The following VEPH1 variants were observed in gnomAD, a reference collection of about 807,000 sequenced individuals.
VEPH1 encodes ventricular zone-expressed PH domain-containing protein homolog 1.
Under a neutral mutation model 85.2 loss-of-function variants are expected in VEPH1, and 80 were observed. That is an observed-to-expected ratio of 0.94 (90% CI 0.78 to 1.13). The LOEUF (loss-of-function observed/expected upper bound fraction) is 1.13, where lower values mean the gene tolerates loss of function less well. Ranked by LOEUF, VEPH1 falls within the 50% of genes most tolerant of loss-of-function variation. VEPH1 has a pLI of 0.00. For synonymous variants in VEPH1, 297 were observed against 348.0 expected (o/e 0.85, Z 1.63); for missense variants, 955 against 980.5 (o/e 0.97, Z 0.35).
rs143231971 is a variant in VEPH1, at chr3:157,469,800, A to G, written c.354+514T>C. ...CATTAGCGGCTGAGCCAAAACTCCAAATTCACATTTATACCAGAGGAAATA... is the reference window on the plus strand; with the variant it reads ...CATTAGCGGCTGAGCCAAAACTCCAGATTCACATTTATACCAGAGGAAATA... On this transcript the variant is annotated intron_variant, in intron 3 of 13. Transcript: ENST00000362010. Among the ~76,000 whole-genome samples the G allele has an allele frequency of 2.6e-4, 40 of 152,314 alleles. No individual in the cohort carries two copies. The East Asian group carries it at 6.7e-3, about 26-fold the overall frequency.
chr3:157,369,920 G>T (rs1256522457), intron 7 of VEPH1, among the ~76,000 whole-genome samples: 10 of 152,144 alleles, frequency 6.6e-5, no homozygotes, highest in Non-Finnish European at 1.5e-4. Context: ...TCATAGAGTG[G>T]TGGGGGCAGG....
At chr3:157,285,820 T>C (rs1331311559) in intron 12 of VEPH1, among the ~76,000 whole-genome samples, 1 of 152,200 alleles carries the variant, frequency 6.6e-6, no homozygotes, top group Non-Finnish European at 1.5e-5. Flanking sequence ...TCAGGCTGCG[T>C]TCAAATTCTG....
At chr3:157,481,709 A>G (rs1166682635) in intron 2 of VEPH1, among the ~76,000 whole-genome samples, 1 of 152,088 alleles carries the variant, frequency 6.6e-6, no homozygotes, top group Non-Finnish European at 1.5e-5. Flanking sequence ...TGTTTCCTAG[A>G]TTATCTTTGA....
intron 12 of VEPH1, among the ~76,000 whole-genome samples, chr3:157,274,402 C>A (rs749462822): frequency 2.0e-5 from 3 of 152,132 alleles, no homozygotes; most frequent in African/African-American, 7.2e-5. Context: ...GAGAGGGACT[C>A]CTGCAGTCTT....
chr3:157,442,515 G>A, intron 4 of VEPH1: 1 of 1,614,106 alleles, frequency 6.2e-7, no homozygotes, highest in Non-Finnish European at 8.5e-7. Context: ...GTTTTCCTAT[G>A]GCACAAAGAG....
intron 2 of VEPH1, among the ~76,000 whole-genome samples, chr3:157,491,209 A>T (rs1194052871): frequency 2.0e-5 from 3 of 152,112 alleles, no homozygotes; most frequent in Non-Finnish European, 2.9e-5. Flanking sequence ...TGTACCTAAC[A>T]TGTTAAAGTG....
Position 157,377,761 on chromosome 3 carries a change from C to T in VEPH1, c.1127+3395G>A, listed in dbSNP as rs534780358. On this transcript the variant is annotated intron_variant, in intron 7 of 13. Transcript: ENST00000362010. ...GTTTCCTGACGTCTCCCAGCCATGC[C>T]GAACTGTGAGTTAATTAAACCTCTA... Among the ~76,000 whole-genome samples, 8 of 152,188 alleles carry T rather than the reference C, an allele frequency of 5.3e-5. No individual in the cohort carries two copies. In the South Asian group the frequency reaches 1.5e-3, roughly 28 times the overall value.
chr3:157,267,062 G>A (rs1325802350), intron 12 of VEPH1, among the ~76,000 whole-genome samples: 2 of 148,378 alleles, frequency 1.3e-5, no homozygotes, highest in East Asian at 3.9e-4. Context: ...ATAATAAAAT[G>A]TATAGTTTTC....
chr3:157,484,104 TA>T (rs1356786047), intron 2 of VEPH1, among the ~76,000 whole-genome samples: 1 of 152,048 alleles, frequency 6.6e-6, no homozygotes, highest in Non-Finnish European at 1.5e-5. Context: ...GTAGATTCGG[TA>T]TAAAGAAATA....
intron 4 of VEPH1, chr3:157,459,944 G>A: frequency 6.5e-7 from 1 of 1,537,166 alleles, no homozygotes. Flanking sequence ...ACACAGATTT[G>A]GAAGAATGCT....
intron 11 of VEPH1, among the ~76,000 whole-genome samples, chr3:157,292,155 G>T (rs1476876220): frequency 1.3e-5 from 2 of 152,166 alleles, no homozygotes; most frequent in Non-Finnish European, 2.9e-5. Context: ...AGTCTTAGAT[G>T]CTTGGGCTCA....
At chr3:157,313,219 A>C (rs182184265) in intron 11 of VEPH1, among the ~76,000 whole-genome samples, 2 of 151,916 alleles carry the variant, frequency 1.3e-5, no homozygotes, top group Admixed American at 6.5e-5. Context: ...TTTTTTTTTA[A>C]GATGGAGTCT....
At chr3:157,473,493 T>C (rs1221159794) in intron 2 of VEPH1, among the ~76,000 whole-genome samples, 2 of 152,230 alleles carry the variant, frequency 1.3e-5, no homozygotes, top group Admixed American at 6.5e-5. Flanking sequence ...TTCTGAGATC[T>C]ATATATTTTA....
intron 12 of VEPH1, among the ~76,000 whole-genome samples, chr3:157,282,817 C>T (rs1357942976): frequency 6.6e-6 from 1 of 152,224 alleles, no homozygotes; most frequent in East Asian, 1.9e-4. Flanking sequence ...GAAATAAGTT[C>T]TGCTCTGTTC....
At position 157,427,208 on chromosome 3, in the gene VEPH1, A is replaced by T. The variant is rs372631908; in HGVS notation, c.696+1114T>A. Reference sequence around the variant, plus strand: ...TCACGGTGTTGGTCCTGTTGGTTGAACTCCTGACCTCGTGATCTGCCTGCC... The same window carrying T: ...TCACGGTGTTGGTCCTGTTGGTTGATCTCCTGACCTCGTGATCTGCCTGCC... On this transcript the variant is annotated intron_variant, in intron 5 of 13. Coordinates refer to ENST00000362010, the MANE Select transcript of VEPH1 (RefSeq NM_001167912.2). 1.1e-3 allele frequency among the ~76,000 whole-genome samples: 160 copies of T among 151,034 alleles called. 3 individuals are homozygous for T. In the South Asian group the frequency reaches 0.019, roughly 18 times the overall value.
At chr3:157,317,234 T>C (rs2108531048) in intron 9 of VEPH1, 33 bp from the exon 10 acceptor site, 3 of 1,567,976 alleles carry the variant, frequency 1.9e-6, no homozygotes, top group East Asian at 4.6e-5. Flanking sequence ...TTAAACGTTA[T>C]GGTCTTTCCA....
Position 157,326,103 on chromosome 3 carries a change from G to A in VEPH1, c.1736-8902C>T, listed in dbSNP as rs766180835. Among the ~76,000 whole-genome samples the A allele has an allele frequency of 5.5e-4, 83 of 152,110 alleles. 1 individual carries two copies. The highest frequency in any genetic ancestry group is 4.1e-4 in the South Asian group (2 of 4,828). On this transcript the variant is annotated intron_variant, in intron 9 of 13. Coordinates refer to ENST00000362010, the MANE Select transcript of VEPH1 (RefSeq NM_001167912.2). ...TATTCTTTTTGTGGTAATTGTGAATGGGAGTTCATTCATGATTTGGCTCTT... is the reference window on the plus strand; with the variant it reads ...TATTCTTTTTGTGGTAATTGTGAATAGGAGTTCATTCATGATTTGGCTCTT...
At chr3:157,309,901 T>C (rs1719913089) in intron 11 of VEPH1, among the ~76,000 whole-genome samples, 2 of 152,122 alleles carry the variant, frequency 1.3e-5, no homozygotes, top group Admixed American at 1.3e-4. Flanking sequence ...TGCCTCAGCC[T>C]CCCGAGTAGT....
intron 4 of VEPH1, among the ~76,000 whole-genome samples, chr3:157,428,703 A>G (rs1425232302): frequency 6.6e-6 from 1 of 152,226 alleles, no homozygotes; most frequent in East Asian, 1.9e-4. Flanking sequence ...TATAATCAGC[A>G]CCATTAACTA....
Sources: allele counts gnomAD v4.1 joint callset (sites outside exome capture counted in the v4.1 genomes callset), GRCh38; gene constraint gnomAD v4.1.1; transcripts MANE v1.5; gene names NCBI Gene and HGNC (gene_info 2026-07-23, HGNC 2026-07-21).